The following NRXN1 variants were observed in gnomAD, a reference collection of about 807,000 sequenced individuals.
NRXN1 encodes the protein neurexin 1.
A neutral mutation model predicts 150.9 loss-of-function variants in NRXN1; 39 were observed. That is an observed-to-expected ratio of 0.26 (90% CI 0.20 to 0.34). The LOEUF (loss-of-function observed/expected upper bound fraction) is 0.34. NRXN1 is among the 10% of genes least tolerant of loss of function. The pLI is 1.00. For missense variants in NRXN1, 1,815 were observed against 1,949.9 expected (o/e 0.93, Z 1.30); for synonymous variants, 924 against 757.0 (o/e 1.22, Z -3.62).
chr2:50,520,808 C>T (rs1015514213), intron 12 of NRXN1, among the ~76,000 whole-genome samples: 1 of 151,828 alleles, frequency 6.6e-6, no homozygotes, highest in Admixed American at 6.6e-5. Context: ...ATTTATCTGC[C>T]TATTTCAACA....
At chr2:50,480,464 C>A (rs1465512427) in intron 15 of NRXN1, among the ~76,000 whole-genome samples, 1 of 152,190 alleles carries the variant, frequency 6.6e-6, no homozygotes, top group African/African-American at 2.4e-5. Context: ...GAGCACTTCA[C>A]ACTGTCTCTC....
intron 8 of NRXN1, among the ~76,000 whole-genome samples, chr2:50,612,514 C>G (rs888943957): frequency 6.6e-6 from 1 of 152,066 alleles, no homozygotes; most frequent in Non-Finnish European, 1.5e-5. Context: ...AGGCACATGC[C>G]TCTTGGGTAA....
At chr2:50,154,696 TA>T (rs1398879568) in intron 18 of NRXN1, among the ~76,000 whole-genome samples, 2 of 151,640 alleles carry the variant, frequency 1.3e-5, no homozygotes, top group East Asian at 3.9e-4. Context: ...AAAGAATTAA[TA>T]AAGCAGAACA....
intron 22 of NRXN1, among the ~76,000 whole-genome samples, chr2:49,938,778 G>A (rs900308755): frequency 6.6e-6 from 1 of 152,118 alleles, no homozygotes; most frequent in East Asian, 1.9e-4. Flanking sequence ...TTATTTATTA[G>A]GGAGCTACTA....
At chr2:51,008,570 T>G (rs1241657376) in intron 2 of NRXN1, among the ~76,000 whole-genome samples, 1 of 151,858 alleles carries the variant, frequency 6.6e-6, no homozygotes, top group East Asian at 1.9e-4. Flanking sequence ...ATTCCTTTCC[T>G]CTCTTGCCCA....
intron 5 of NRXN1, among the ~76,000 whole-genome samples, chr2:50,849,063 G>A (rs1257251266): frequency 1.3e-5 from 2 of 152,146 alleles, no homozygotes; most frequent in Non-Finnish European, 2.9e-5. Context: ...ATTCTTCAAA[G>A]ACCAACTCAA....
Position 50,347,075 on chromosome 2 carries a change from G to A in NRXN1, c.3365-110105C>T. 2 of 1,382,398 alleles carry A rather than the reference G, an allele frequency of 1.4e-6. No homozygotes were observed. Among genetic ancestry groups the A allele is most frequent in the Non-Finnish European group, 1.9e-6 (2 of 1,052,846 alleles). 85.6% of individuals were successfully genotyped at this position (1,382,398 alleles called of 1,614,324 possible). On this transcript the variant is annotated intron_variant, in intron 17 of 22. Transcript: ENST00000401669. This position sits in a 1 kb window ranked among gnomAD's most constrained non-coding sequence, Gnocchi z 4.9. ...GGGCCGGCCGCCTCACCGCGCCAGG[G>A]CACCCATCCTCTCCCTCCTTCGGAC...
At chr2:50,024,597 C>A (rs1322524234) in intron 21 of NRXN1, among the ~76,000 whole-genome samples, 4 of 151,918 alleles carry the variant, frequency 2.6e-5, no homozygotes, top group Non-Finnish European at 5.9e-5. Flanking sequence ...ATTTCTGCAA[C>A]TAGCTTTGTC....
At chr2:50,667,375 A>T (rs187558489) in intron 5 of NRXN1, among the ~76,000 whole-genome samples, 2 of 151,972 alleles carry the variant, frequency 1.3e-5, no homozygotes, top group African/African-American at 4.8e-5. Context: ...AAGGGCTTCA[A>T]ATTATTAGAA....
intron 5 of NRXN1, among the ~76,000 whole-genome samples, chr2:50,792,719 C>G (rs532836666): frequency 6.6e-6 from 1 of 151,446 alleles, no homozygotes; most frequent in African/African-American, 2.4e-5. Context: ...TAATTAAAAG[C>G]AAATTAGATG....
At chr2:50,582,917 C>T (rs1490876208) in intron 8 of NRXN1, among the ~76,000 whole-genome samples, 1 of 152,128 alleles carries the variant, frequency 6.6e-6, no homozygotes, top group African/African-American at 2.4e-5. Context: ...AATGTCTAAT[C>T]ACAGTACACT....
Position 50,488,316 on chromosome 2 carries a change from T to G in NRXN1, c.3070+7589A>C, listed in dbSNP as rs768042174. ...GGACATCTGTCTTGATCAAATGTAC[T>G]CTTCCAAGAATTTGGCACTAGAACT... On this transcript the variant is annotated intron_variant, in intron 15 of 22. Coordinates refer to ENST00000401669, the MANE Select transcript of NRXN1 (RefSeq NM_001330078.2). 5.3e-5 allele frequency among the ~76,000 whole-genome samples: 8 copies of G among 152,360 alleles called. No homozygotes were observed. In the South Asian group the frequency reaches 6.2e-4, roughly 12 times the overall value.
intron 5 of NRXN1, among the ~76,000 whole-genome samples, chr2:50,651,706 C>T (rs72837003): frequency 6.6e-6 from 1 of 152,046 alleles, no homozygotes; most frequent in Non-Finnish European, 1.5e-5. Flanking sequence ...ATGCTCTCTT[C>T]CATTCTTTTT....
At chr2:50,163,602 A>T (rs1471536132) in intron 18 of NRXN1, among the ~76,000 whole-genome samples, 1 of 152,120 alleles carries the variant, frequency 6.6e-6, no homozygotes, top group East Asian at 1.9e-4. Flanking sequence ...ACAGTTAAGG[A>T]TTGACAACTG....
intron 18 of NRXN1, among the ~76,000 whole-genome samples, chr2:50,126,777 C>G (rs989187102): frequency 6.6e-6 from 1 of 151,994 alleles, no homozygotes; most frequent in Non-Finnish European, 1.5e-5. Context: ...AGTTTTTGGT[C>G]TTTTAAGGAG....
intron 17 of NRXN1, among the ~76,000 whole-genome samples, chr2:50,362,100 C>A (rs756212092): frequency 6.6e-6 from 1 of 152,128 alleles, no homozygotes; most frequent in Non-Finnish European, 1.5e-5. Flanking sequence ...GAACATATTT[C>A]AAGATAATAA....
chr2:50,864,652 C>T (rs760427099), intron 5 of NRXN1, among the ~76,000 whole-genome samples: 3 of 151,974 alleles, frequency 2.0e-5, no homozygotes, highest in Non-Finnish European at 4.4e-5. Context: ...ATTTCTCCTG[C>T]GAAGCTGAAG....
chr2:50,758,298 C>G (rs548014355), intron 5 of NRXN1, among the ~76,000 whole-genome samples: 28 of 151,854 alleles, frequency 1.8e-4, no homozygotes, highest in African/African-American at 6.5e-4. Flanking sequence ...GAAATGTTGA[C>G]CTTTACTTAA....
intron 8 of NRXN1, among the ~76,000 whole-genome samples, chr2:50,560,325 G>C (rs754478764): frequency 2.6e-5 from 4 of 152,272 alleles, no homozygotes; most frequent in Admixed American, 1.3e-4. Flanking sequence ...TGGGCATCCA[G>C]TACAGTACCT....
Sources: allele counts gnomAD v4.1 joint callset (sites outside exome capture counted in the v4.1 genomes callset), GRCh38; gene constraint gnomAD v4.1.1; non-coding constraint Gnocchi (gnomAD v3.1); transcripts MANE v1.5; gene names NCBI Gene and HGNC (gene_info 2026-07-23, HGNC 2026-07-21).